Variants in TREML2 observed in about 807,000 individuals in gnomAD.
TREML2 encodes the protein triggering receptor expressed on myeloid cells like 2, also known as trem-like transcript 2 protein.
Under a neutral mutation model 25.9 loss-of-function variants are expected in TREML2, and 24 were observed. The observed-to-expected ratio is 0.93, with a 90% confidence interval of 0.67 to 1.30. TREML2 has a LOEUF of 1.30. Ranked by LOEUF, TREML2 falls within the 50% of genes most tolerant of loss-of-function variation. The probability of loss-of-function intolerance (pLI) is 0.00; values close to 1 mark genes in which losing one functional copy is unlikely to be tolerated. For missense variants in TREML2, 359 were observed against 395.6 expected (o/e 0.91, Z 0.78); for synonymous variants, 139 against 155.2 (o/e 0.90, Z 0.77).
chr6:41,196,575 A>C (rs796216806), intron 2 of TREML2, among the ~76,000 whole-genome samples: 3 of 152,354 alleles, frequency 2.0e-5, no homozygotes, highest in African/African-American at 7.2e-5. Context: ...TCCCATTTAT[A>C]GTATAAAGCT....
In TREML2 at chr6:41,194,803, G is replaced by A. The variant is rs374114737; in HGVS notation, c.407C>T (p.Thr136Ile). Residue 136 changes from threonine to isoleucine, a missense_variant, in exon 3 of 5, where the codon ACA (threonine) becomes ATA (isoleucine). Coordinates refer to ENST00000483722, the MANE Select transcript of TREML2 (RefSeq NM_024807.4). Reference sequence around the variant, plus strand: ...ACTCTTGAGGATGTTGTCCAGATGTGTGAAAGGAATGTTCCTCTCAGTTTG... The same window carrying A: ...ACTCTTGAGGATGTTGTCCAGATGTATGAAAGGAATGTTCCTCTCAGTTTG... ...APQTERNIPF[T>I]HLDNILKSGT... 2.6e-5 allele frequency: 41 copies of A among 1,584,918 alleles called. No homozygotes were observed. The highest frequency in any genetic ancestry group is 2.2e-4 in the African/African-American group (16 of 74,022).
intron 2 of TREML2, among the ~76,000 whole-genome samples, chr6:41,197,570 C>T (rs1342204114): frequency 1.3e-5 from 2 of 152,262 alleles, no homozygotes; most frequent in African/African-American, 4.8e-5. Context: ...ACCCCCAGTA[C>T]TTCAGTAGCT....
At chr6:41,199,980 C>T (rs1490678330) in intron 1 of TREML2, among the ~76,000 whole-genome samples, 2 of 152,226 alleles carry the variant, frequency 1.3e-5, no homozygotes, top group Non-Finnish European at 1.5e-5. Flanking sequence ...GCATGCTCAA[C>T]TCATGCTTCC....
intron 1 of TREML2, among the ~76,000 whole-genome samples, chr6:41,199,199 C>T (rs1044588328): frequency 2.0e-5 from 3 of 152,098 alleles, no homozygotes; most frequent in Admixed American, 6.5e-5. Context: ...CAGGTCATGC[C>T]CTCAGTGAGA....
In TREML2 at chr6:41,192,788, G is replaced by A. The variant is rs1450157493; in HGVS notation, c.886+13C>T. The A allele has an allele frequency of 6.2e-7, 1 of 1,607,208 alleles. No homozygotes were observed. The highest frequency in any genetic ancestry group is 1.3e-5 in the African/African-American group (1 of 74,742). On this transcript the variant is annotated intron_variant, in intron 4 of 4. Coordinates refer to ENST00000483722, the MANE Select transcript of TREML2 (RefSeq NM_024807.4). ...CTCTGCCCTCAGGAGGCTGGGAGGTGGGCTCTACTCACTTGCCATGTGTCT... is the reference window on the plus strand; with the variant it reads ...CTCTGCCCTCAGGAGGCTGGGAGGTAGGCTCTACTCACTTGCCATGTGTCT...
In TREML2 at chr6:41,198,242, G is replaced by A. The variant is rs150414991; in HGVS notation, c.243C>T (p.Asp81=). ...TGTTGACCACCTTGGCCTGGGCATC[G>A]TCCTGCAGCAAGTAGCGGGGCCCTT... ...WVKGPRYLLQ[D]DAQAKVVNIT... is the part of the protein sequence containing the mutation. The change falls in exon 2 of 5, where the codon GAC becomes GAT. Residue 81 remains aspartate, a synonymous_variant. Transcript: ENST00000483722. The A allele has an allele frequency of 4.9e-5, 79 of 1,614,114 alleles. No individual in the cohort carries two copies. The highest frequency in any genetic ancestry group is 2.2e-4 in the East Asian group (10 of 44,898).
rs1297936029 is a variant in TREML2, at chr6:41,200,971, G to A, written c.38C>T (p.Pro13Leu). Residue 13 changes from proline to leucine, a missense_variant, in exon 1 of 5, where the codon CCA becomes CTA. Physicochemically the swap from Pro to Leu is moderately conservative, Grantham distance 98. Coordinates refer to ENST00000483722, the MANE Select transcript of TREML2 (RefSeq NM_024807.4). Reference protein sequence around the residue: ...PAFLLLLLLWPQGCVSGPSAD... With the variant: ...PAFLLLLLLWLQGCVSGPSAD... ...CCCCTCACCTGAGACGCAACCCTGT[G>A]GCCACAGCAGCAGCAGCAGCAGGAA... 2.5e-6 allele frequency: 4 copies of A among 1,581,970 alleles called. No homozygotes were observed. The highest frequency in any genetic ancestry group is 3.4e-6 in the Non-Finnish European group (4 of 1,164,094).
chr6:41,200,897 G>T, intron 1 of TREML2, 57 bp downstream of exon 1: 1 of 1,425,088 alleles, frequency 7.0e-7, no homozygotes, highest in East Asian at 2.6e-5. Context: ...AAAAGGCCCT[G>T]AGCTCCTGCC....
In TREML2 at chr6:41,200,938, C is replaced by A; in HGVS notation, c.55+16G>T. On this transcript the variant is annotated intron_variant, in intron 1 of 4. Transcript: ENST00000483722. The stretch of plus-strand genomic sequence containing the variant: ...ACCCACTCCCTCCTCCACAAGTCAG[C>A]CCCTTCTCCCCTCACCTGAGACGCA... The A allele has an allele frequency of 6.5e-7, 1 of 1,531,450 alleles. No individual in the cohort carries two copies. The highest frequency in any genetic ancestry group is 8.8e-7 in the Non-Finnish European group (1 of 1,140,620). 94.9% of individuals were successfully genotyped at this position (1,531,450 alleles called of 1,614,324 possible).
intron 4 of TREML2, 45 bp downstream of exon 4, chr6:41,192,756 C>A (rs767438766): frequency 6.5e-7 from 1 of 1,549,548 alleles, no homozygotes; most frequent in South Asian, 1.1e-5. Context: ...AGTGCAGTTA[C>A]CCAGAGCTCT....
Position 41,194,438 on chromosome 6 carries a change from T to G in TREML2, c.772A>C (p.Met258Leu), listed in dbSNP as rs142007199. ...CCCCACAGGTACCTGATGGAGGGCATGGAGGGTAGTCTGTTGAGGAGAGAT... is the reference window on the plus strand; with the variant it reads ...CCCCACAGGTACCTGATGGAGGGCAGGGAGGGTAGTCTGTTGAGGAGAGAT... ...SRSLLNRLPS[M>L]PSIRHQDVYS... Residue 258 changes from methionine (M) to leucine (L), a missense_variant, in exon 3 of 5, where the codon ATG (methionine) becomes CTG (leucine). Physicochemically the swap from Met to Leu is conservative, Grantham distance 15. Transcript: ENST00000483722. 1 of 1,574,618 alleles carries G rather than the reference T, an allele frequency of 6.4e-7. No homozygotes were observed. The highest frequency in any genetic ancestry group is 8.6e-7 in the Non-Finnish European group (1 of 1,159,300).
intron 1 of TREML2, among the ~76,000 whole-genome samples, chr6:41,199,610 G>T (rs1017706753): frequency 1.3e-5 from 2 of 152,170 alleles, no homozygotes; most frequent in Non-Finnish European, 1.5e-5. Flanking sequence ...TGACTCAGGG[G>T]ACAGAGAGAG....
chr6:41,194,416 C>T lies in TREML2; in HGVS notation c.785+9G>A. 2 of 1,545,866 alleles carry T rather than the reference C, an allele frequency of 1.3e-6. No individual in the cohort carries two copies. Among genetic ancestry groups the T allele is most frequent in the Non-Finnish European group, 1.8e-6 (2 of 1,142,744 alleles). ...GCTGGTGCCACTCAACCCCAGGCCC[C>T]ACAGGTACCTGATGGAGGGCATGGA... On this transcript the variant is annotated intron_variant, in intron 3 of 4. Coordinates refer to ENST00000483722, the MANE Select transcript of TREML2 (RefSeq NM_024807.4).
intron 3 of TREML2, 80 bp downstream of exon 3, chr6:41,194,345 G>T: frequency 7.2e-7 from 1 of 1,388,818 alleles, no homozygotes; most frequent in South Asian, 1.5e-5. Flanking sequence ...AAAAGGGGAA[G>T]GTCAGATATA....
Position 41,192,237 on chromosome 6 carries a change from C to T in TREML2, c.*190G>A, listed in dbSNP as rs796239687. 6.7e-6 allele frequency: 4 copies of T among 596,174 alleles called. No individual in the cohort carries two copies. Among genetic ancestry groups the T allele is most frequent in the African/African-American group, 5.6e-5 (3 of 54,004 alleles). The allele number at this position is 596,174 out of a possible 1,614,324, so 36.9% of individuals were successfully genotyped here. A position where few individuals can be genotyped will look rare whatever the true frequency, so the allele number is the denominator to read the frequency against. ...CTCTGGGCCCCTCCCCAGGTTCCTGCCCCCAAGGAGAACACTGGGCTGTGG... is the reference window on the plus strand; with the variant it reads ...CTCTGGGCCCCTCCCCAGGTTCCTGTCCCCAAGGAGAACACTGGGCTGTGG... On this transcript the variant is annotated 3_prime_UTR_variant, in exon 5 of 5. Coordinates refer to ENST00000483722, the MANE Select transcript of TREML2 (RefSeq NM_024807.4).
chr6:41,192,749 G>T, intron 4 of TREML2, 52 bp downstream of exon 4: 1 of 1,513,960 alleles, frequency 6.6e-7, no homozygotes, highest in Non-Finnish European at 9.1e-7. Flanking sequence ...AACCCTTAGT[G>T]CAGTTACCCA....
At chr6:41,194,275 T>G in intron 3 of TREML2, 150 bp downstream of exon 3, 1 of 577,674 alleles carries the variant, frequency 1.7e-6, no homozygotes, top group Non-Finnish European at 2.6e-6. Flanking sequence ...CCATCCTTTA[T>G]GTCACTTCCA....
At chr6:41,197,996 A>G (rs766599381) in intron 2 of TREML2, 113 bp downstream of exon 2, 2 of 1,089,420 alleles carry the variant, frequency 1.8e-6, no homozygotes, top group Non-Finnish European at 1.3e-6. Context: ...TGAAAACACT[A>G]CAGTGCAACA....
In TREML2 at chr6:41,190,642, G is replaced by C. The variant is rs1582093837; in HGVS notation, c.*1785C>G. 6.6e-6 allele frequency: 1 copy of C among 152,352 alleles called. No homozygotes were observed. The highest frequency in any genetic ancestry group is 2.4e-5 in the African/African-American group (1 of 41,574). The allele number at this position is 152,352 out of a possible 1,614,324, so 9.4% of individuals were successfully genotyped here. A position where few individuals can be genotyped will look rare whatever the true frequency, so the allele number is the denominator to read the frequency against. The stretch of plus-strand genomic sequence containing the variant: ...GAGTGGTATCCTGGTCCCTGTCCCT[G>C]ACTTCTTCCCTAGGGCTCCTCCTCC... On this transcript the variant is annotated 3_prime_UTR_variant, in exon 5 of 5. Coordinates refer to ENST00000483722, the MANE Select transcript of TREML2 (RefSeq NM_024807.4).
Sources: allele counts gnomAD v4.1 joint callset (sites outside exome capture counted in the v4.1 genomes callset), GRCh38; gene constraint gnomAD v4.1.1; transcripts MANE v1.5; gene names NCBI Gene and HGNC (gene_info 2026-07-23, HGNC 2026-07-21).